Variants in LOC122513141 observed in about 807,000 individuals in gnomAD.
the LOC122513141 span, chr9:137,217,997 A>G: frequency 5.0e-6 from 2 of 398,918 alleles, no homozygotes; most frequent in South Asian, 1.3e-4. Context: ...GGCCAAAGCC[A>G]TGGAGGGTGC....
At chr9:137,218,167 G>A in the LOC122513141 span, 2 of 398,516 alleles carry the variant, frequency 5.0e-6, no homozygotes, top group East Asian at 7.1e-5. Flanking sequence ...GCCTGCACAG[G>A]CTGCTGGGCT....
chr9:137,218,347 C>A, the LOC122513141 span: 2 of 398,014 alleles, frequency 5.0e-6, no homozygotes, highest in Non-Finnish European at 8.9e-6. Context: ...ACCCTGGGCC[C>A]TGGGGCTCCC....
chr9:137,217,554 A>G, the LOC122513141 span: 1 of 161,454 alleles, frequency 6.2e-6, no homozygotes, highest in African/African-American at 2.4e-5. Flanking sequence ...GCACAGGACT[A>G]AACATGGCTG....
chr9:137,218,325 C>T, the LOC122513141 span: 16 of 398,104 alleles, frequency 4.0e-5, no homozygotes, highest in Non-Finnish European at 6.6e-5. Context: ...GCCCCTGCAT[C>T]CTATCACCGC....
the LOC122513141 span, chr9:137,217,765 GTCC>G: frequency 0.044 from 17,367 of 392,190 alleles, 569 homozygotes; most frequent in African/African-American, 0.11. Context: ...TGGGGTCCCT[GTCC>G]TCCTATCCTG....
chr9:137,218,193 A>G, the LOC122513141 span: 1 of 398,004 alleles, frequency 2.5e-6, no homozygotes, highest in Non-Finnish European at 4.4e-6. Context: ...TCCAGTGCCG[A>G]CCTGGGCCGG....
chr9:137,218,003 G>A, the LOC122513141 span: 2 of 399,148 alleles, frequency 5.0e-6, no homozygotes, highest in East Asian at 7.1e-5. Context: ...AGCCATGGAG[G>A]GTGCCTGGGC....
chr9:137,218,028 A>T, the LOC122513141 span: 1 of 399,192 alleles, frequency 2.5e-6, no homozygotes, highest in Non-Finnish European at 4.4e-6. Context: ...CCAACCTGGA[A>T]GGAGGAGGGG....
the LOC122513141 span, chr9:137,217,866 C>T: frequency 2.5e-6 from 1 of 398,180 alleles, no homozygotes; most frequent in Non-Finnish European, 4.4e-6. Flanking sequence ...CCTGTCAGTC[C>T]ACCTGGGTCC....
chr9:137,218,288 G>T, the LOC122513141 span: 1 of 398,270 alleles, frequency 2.5e-6, no homozygotes, highest in Non-Finnish European at 4.4e-6. Flanking sequence ...ACAGGCCGAC[G>T]GGCCCTCACG....
At chr9:137,217,892 T>C in the LOC122513141 span, 1 of 398,136 alleles carries the variant, frequency 2.5e-6, no homozygotes, top group Non-Finnish European at 4.4e-6. Flanking sequence ...GGGCCCTGAG[T>C]GCCTGGACCC....
chr9:137,217,839 C>T, the LOC122513141 span: 3 of 397,976 alleles, frequency 7.5e-6, no homozygotes, highest in Non-Finnish European at 1.3e-5. Flanking sequence ...CTCCACCTGG[C>T]CGACTCCAGC....
chr9:137,218,768 G>C, the LOC122513141 span: 1 of 397,184 alleles, frequency 2.5e-6, no homozygotes, highest in African/African-American at 2.1e-5. Flanking sequence ...CCCACAACCA[G>C]GGCTACCCAG....
chr9:137,218,771 C>CT, the LOC122513141 span: 1 of 397,186 alleles, frequency 2.5e-6, no homozygotes, highest in Non-Finnish European at 4.4e-6. Context: ...ACAACCAGGG[C>CT]TACCCAGAGG....
the LOC122513141 span, chr9:137,218,644 C>T: frequency 2.5e-6 from 1 of 398,460 alleles, no homozygotes; most frequent in Non-Finnish European, 4.4e-6. Flanking sequence ...GCCAGGGGGC[C>T]CAGACTGGCC....
chr9:137,218,371 C>T, the LOC122513141 span: 1 of 398,346 alleles, frequency 2.5e-6, no homozygotes. Context: ...AGCACCGCTA[C>T]CAGCTGCGCT....
chr9:137,218,419 C>T, the LOC122513141 span: 9 of 398,522 alleles, frequency 2.3e-5, no homozygotes, highest in East Asian at 7.1e-5. Context: ...GCTGCCTGCC[C>T]TTCCTGCCCT....
At chr9:137,219,134 CA>C in the LOC122513141 span, 2 of 152,900 alleles carry the variant, frequency 1.3e-5, no homozygotes, top group African/African-American at 4.8e-5. Flanking sequence ...TGCGAAAATT[CA>C]GCCTGCAAAG....
chr9:137,219,086 T>G, the LOC122513141 span: 1 of 155,022 alleles, frequency 6.5e-6, no homozygotes, highest in African/African-American at 2.4e-5. Flanking sequence ...CCAGTGTGTG[T>G]CCCTGAAGGT....
Sources: allele counts gnomAD v4.1 joint callset, GRCh38; gene constraint gnomAD v4.1.1; transcripts MANE v1.5.